Variants in NAALADL1 observed in about 807,000 individuals in gnomAD.
NAALADL1 encodes the protein N-acetylated alpha-linked acidic dipeptidase like 1.
Under a neutral mutation model 82.8 loss-of-function variants are expected in NAALADL1, and 77 were observed. That is an observed-to-expected ratio of 0.93 (90% CI 0.77 to 1.12). NAALADL1 has a LOEUF of 1.12. NAALADL1 is among the 50% of genes most tolerant of loss of function. The pLI is 0.00. For missense variants in NAALADL1, 956 were observed against 964.0 expected (o/e 0.99, Z 0.11); for synonymous variants, 358 against 399.2 (o/e 0.90, Z 1.23).
chr11:65,045,817 C>T lies in NAALADL1; in HGVS notation c.2036+5G>A. On this transcript the variant is annotated splice_donor_5th_base_variant and intron_variant, in intron 17 of 17. Transcript: ENST00000358658. ...GCACCTCCCAGGACTCTGGGACAGACTCACCTGTAGTAGCGTTCCTCTGGG... is the reference window on the plus strand; with the variant it reads ...GCACCTCCCAGGACTCTGGGACAGATTCACCTGTAGTAGCGTTCCTCTGGG... 1 of 1,613,770 alleles carries T rather than the reference C, an allele frequency of 6.2e-7. No individual in the cohort carries two copies. Among genetic ancestry groups the T allele is most frequent in the Non-Finnish European group, 8.5e-7 (1 of 1,179,780 alleles).
intron 1 of NAALADL1, 27 bp from the exon 2 acceptor site, chr11:65,058,277 G>A (rs759689773): frequency 6.2e-7 from 1 of 1,613,764 alleles, no homozygotes; most frequent in Non-Finnish European, 8.5e-7. Flanking sequence ...GGGAGGGGCA[G>A]GGCCAGCATC....
At position 65,046,515 on chromosome 11, in the gene NAALADL1, T is replaced by G. The variant is rs748582110; in HGVS notation, c.1611A>C (p.Ser537=). The stretch of plus-strand genomic sequence containing the variant: ...TGTGGTAGGTGGGGTAGATCCTGGC[T>G]GAAGTCTTGCTCTGGGGGAACAAAG... ...IAYTYDRSKT[S]ARIYPTYHTA... is the part of the protein sequence containing the mutation. Residue 537 remains serine (S), a synonymous_variant, in exon 14 of 18, where the codon TCA becomes TCC. Coordinates refer to ENST00000358658, the MANE Select transcript of NAALADL1 (RefSeq NM_005468.3). 6.2e-7 allele frequency: 1 copy of G among 1,614,164 alleles called. No individual in the cohort carries two copies. Among genetic ancestry groups the G allele is most frequent in the Non-Finnish European group, 8.5e-7 (1 of 1,180,020 alleles).
At chr11:65,061,020 G>C (rs1947180818), upstream of NAALADL1, among the ~76,000 whole-genome samples, 1 of 152,014 alleles carries the variant, frequency 6.6e-6, no homozygotes, top group Non-Finnish European at 1.5e-5. Context: ...TGCCCAGTTT[G>C]AGGCCCTGGA....
Position 65,053,453 on chromosome 11 carries a change from C to T in NAALADL1, c.1078+38G>A. The T allele has an allele frequency of 6.2e-7, 1 of 1,612,804 alleles. No homozygotes were observed. Among genetic ancestry groups the T allele is most frequent in the African/African-American group, 1.3e-5 (1 of 74,962 alleles). On this transcript the variant is annotated intron_variant, in intron 7 of 17. Transcript: ENST00000358658. The surrounding 1 kb of genome is among the most constrained non-coding windows in gnomAD (Gnocchi z 4.3). ...GAGGACAGCGGCATCCAGAGCAGAGCAGGGGCCTGGGGTGCAGGCAGCAAG... is the reference window on the plus strand; with the variant it reads ...GAGGACAGCGGCATCCAGAGCAGAGTAGGGGCCTGGGGTGCAGGCAGCAAG...
chr11:65,048,507 G>A (rs1208842357), intron 8 of NAALADL1, 122 bp from the exon 9 acceptor site: 10 of 1,064,578 alleles, frequency 9.4e-6, no homozygotes, highest in African/African-American at 1.6e-5. Context: ...GTGACAGGAT[G>A]TCCTGGCACC....
chr11:65,054,098 A>G lies in NAALADL1; in HGVS notation c.992+152T>C. The G allele has an allele frequency of 3.0e-6, 2 of 659,950 alleles. No individual in the cohort carries two copies. The highest frequency in any genetic ancestry group is 5.1e-6 in the Non-Finnish European group (2 of 391,986). The allele number at this position is 659,950 out of a possible 1,614,324, so 40.9% of individuals were successfully genotyped here. ...TCACGGGCTTCCCCAAAAACAAGACATATTTTGGGGTCAGGAGAGGGTCTG... is the reference window on the plus strand; with the variant it reads ...TCACGGGCTTCCCCAAAAACAAGACGTATTTTGGGGTCAGGAGAGGGTCTG... On this transcript the variant is annotated intron_variant, in intron 6 of 17. Coordinates refer to ENST00000358658, the MANE Select transcript of NAALADL1 (RefSeq NM_005468.3). The surrounding 1 kb of genome is among the most constrained non-coding windows in gnomAD (Gnocchi z 4.3).
chr11:65,047,818 G>T, intron 11 of NAALADL1, 80 bp from the exon 12 acceptor site: 1 of 1,494,758 alleles, frequency 6.7e-7, no homozygotes, highest in Non-Finnish European at 9.1e-7. Flanking sequence ...CCGGTCTCCT[G>T]CCCACCCGTG....
intron 13 of NAALADL1, 101 bp from the exon 14 acceptor site, chr11:65,046,627 T>G: frequency 1.7e-6 from 2 of 1,201,942 alleles, no homozygotes; most frequent in Non-Finnish European, 2.4e-6. Context: ...CCACTGAATC[T>G]TGGCCATGTC....
At chr11:65,059,166 C>G (rs1340147696), upstream of NAALADL1, among the ~76,000 whole-genome samples, 1 of 152,110 alleles carries the variant, frequency 6.6e-6, no homozygotes, top group East Asian at 1.9e-4. Context: ...GTGTGCACCA[C>G]CATGTCCAGC....
At chr11:65,056,712 C>CTT (rs60069296) in intron 4 of NAALADL1, among the ~76,000 whole-genome samples, 27 of 133,248 alleles carry the variant, frequency 2.0e-4, no homozygotes, top group African/African-American at 3.4e-4. Context: ...CATGCCCAGC[C>CTT]TTTTTTTTTT....
chr11:65,054,221 G>C lies in NAALADL1; in HGVS notation c.992+29C>G. 6.3e-7 allele frequency: 1 copy of C among 1,593,464 alleles called. No individual in the cohort carries two copies. Among genetic ancestry groups the C allele is most frequent in the South Asian group, 1.1e-5 (1 of 89,642 alleles). On this transcript the variant is annotated intron_variant, in intron 6 of 17. Transcript: ENST00000358658. The surrounding 1 kb of genome is among the most constrained non-coding windows in gnomAD (Gnocchi z 4.3). ...AGGCGAGTTGGGGGAGAGGGCAACT[G>C]AGGGAGACCTGGTCTGGCTGCATCT...
upstream of NAALADL1, chr11:65,058,665 C>T: frequency 2.7e-6 from 2 of 752,452 alleles, no homozygotes; most frequent in Non-Finnish European, 2.1e-6. Flanking sequence ...GAACATCCCG[C>T]AGTGAGAGCC....
At position 65,054,188 on chromosome 11, in the gene NAALADL1, A is replaced by C; in HGVS notation, c.992+62T>G. ...GAAAGAGGGAACATCATCACAAGGG[A>C]AGGGGAGAGGCGAGTTGGGGGAGAG... On this transcript the variant is annotated intron_variant, in intron 6 of 17. Coordinates refer to ENST00000358658, the MANE Select transcript of NAALADL1 (RefSeq NM_005468.3). The surrounding 1 kb of genome is among the most constrained non-coding windows in gnomAD (Gnocchi z 4.3). 2.2e-6 allele frequency: 3 copies of C among 1,384,984 alleles called. No homozygotes were observed. Among genetic ancestry groups the C allele is most frequent in the South Asian group, 2.4e-5 (2 of 81,900 alleles). 85.8% of individuals were successfully genotyped at this position (1,384,984 alleles called of 1,614,324 possible). A position where few individuals can be genotyped will look rare whatever the true frequency, so the allele number is the denominator to read the frequency against.
rs200726390 is a variant in NAALADL1 at position 65,058,377 on chromosome 11, T to C, written c.145A>G (p.Met49Val). 2.5e-6 allele frequency: 4 copies of C among 1,614,152 alleles called. No individual in the cohort carries two copies. Among genetic ancestry groups the C allele is most frequent in the Non-Finnish European group, 3.4e-6 (4 of 1,180,002 alleles). Reference protein sequence around the residue: ...DLDLEILETVMGQLDAHRIRE... With the variant: ...DLDLEILETVVGQLDAHRIRE... Reference sequence around the variant, plus strand: ...ATCCTGTGGGCATCCAGCTGCCCCATGACGGTCTCCAGGATCTCCAGGTCC... The same window carrying C: ...ATCCTGTGGGCATCCAGCTGCCCCACGACGGTCTCCAGGATCTCCAGGTCC... Residue 49 changes from methionine to valine, a missense_variant, in exon 1 of 18, where the codon ATG becomes GTG. Coordinates refer to ENST00000358658, the MANE Select transcript of NAALADL1 (RefSeq NM_005468.3).
rs1224624731 is a variant in NAALADL1, at chr11:65,054,027, G to T, written c.992+223C>A. On this transcript the variant is annotated intron_variant, in intron 6 of 17. Transcript: ENST00000358658. This position sits in a 1 kb window ranked among gnomAD's most constrained non-coding sequence, Gnocchi z 4.3. The stretch of plus-strand genomic sequence containing the variant: ...TCGTGAGTTACAGACGTCAAGATGA[G>T]GTGGGAGGGGCAGGGGAATCCCCAC... 6.6e-6 allele frequency among the ~76,000 whole-genome samples: 1 copy of T among 152,174 alleles called. No individual in the cohort carries two copies. Among genetic ancestry groups the T allele is most frequent in the Non-Finnish European group, 1.5e-5 (1 of 68,022 alleles).
chr11:65,048,330 A>T lies in NAALADL1; in HGVS notation c.1254T>A (p.Phe418Leu), dbSNP rs200671505. 155 of 1,614,170 alleles carry T rather than the reference A, an allele frequency of 9.6e-5. 1 individual carries two copies. In the East Asian group the frequency reaches 1.1e-3, roughly 12 times the overall value. The change falls in exon 9 of 18, where the codon TTT (phenylalanine) becomes TTA (leucine). Residue 418 changes from phenylalanine to leucine, a missense_variant. Coordinates refer to ENST00000358658, the MANE Select transcript of NAALADL1 (RefSeq NM_005468.3). ...TGAATTCCGTGGAGCCAATGAGCCCAAACTCCTCAGCCCCCCAGCTCGCAA... is the reference window on the plus strand; with the variant it reads ...TGAATTCCGTGGAGCCAATGAGCCCTAACTCCTCAGCCCCCCAGCTCGCAA... ...IVFASWGAEEFGLIGSTEFTE... is the reference protein window; with the variant it reads ...IVFASWGAEELGLIGSTEFTE...
rs140681321 is a variant in NAALADL1 at position 65,047,311 on chromosome 11, G to A, written c.1599+164C>T. 1.2e-3 allele frequency among the ~76,000 whole-genome samples: 183 copies of A among 152,070 alleles called. 1 individual carries two copies. Among genetic ancestry groups the A allele is most frequent in the African/African-American group, 4.3e-3 (179 of 41,456 alleles). On this transcript the variant is annotated intron_variant, in intron 13 of 17. Coordinates refer to ENST00000358658, the MANE Select transcript of NAALADL1 (RefSeq NM_005468.3). ...AAGCAGGACTTCGTCTATATAAAAC[G>A]TGTGTGTGTATTTCTGTGTGTGTGT... is the stretch of plus-strand genomic sequence containing the variant.
rs762938634 is a variant in NAALADL1, at chr11:65,048,123, TC to T, written c.1348+28del. 2.4e-5 allele frequency: 38 copies of T among 1,612,372 alleles called. No individual in the cohort carries two copies. In the South Asian group the frequency reaches 4.0e-4, roughly 17 times the overall value. On this transcript the variant is annotated intron_variant, in intron 10 of 17. Transcript: ENST00000358658. ...CCCACCCAGTCGTCCCGCCGTCTCC[TC>T]CCCTTTCCTGCCCCACCACCCACAT...
intron 8 of NAALADL1, among the ~76,000 whole-genome samples, chr11:65,051,674 G>C (rs116448925): frequency 0.013 from 2,046 of 152,108 alleles, 43 homozygotes; most frequent in African/African-American, 0.045. Flanking sequence ...TCATACAAGG[G>C]GGGGGATGGA....
Sources: gnomAD v4.1 joint callset for allele counts (sites outside exome capture counted in the v4.1 genomes callset) on GRCh38, gnomAD v4.1.1 for gene constraint, Gnocchi (gnomAD v3.1) non-coding constraint, MANE v1.5 for transcripts, NCBI Gene and HGNC (gene_info 2026-07-23, HGNC 2026-07-21) for gene names.